Variants in LGSN observed in about 807,000 individuals in gnomAD.
LGSN encodes lengsin, lens protein with glutamine synthetase domain.
A neutral mutation model predicts 19.5 loss-of-function variants in LGSN; 21 were observed. That is an observed-to-expected ratio of 1.07 (90% confidence interval 0.76 to 1.55). The LOEUF (loss-of-function observed/expected upper bound fraction) is 1.55. Ranked by LOEUF, LGSN falls within the 40% of genes most tolerant of loss-of-function variation. LGSN has a pLI of 0.00. For missense variants in LGSN, 673 were observed against 608.5 expected (o/e 1.11, Z -1.12); for synonymous variants, 257 against 215.6 (o/e 1.19, Z -1.68).
chr6:63,362,570 G>T, the LGSN span, among the ~76,000 whole-genome samples: 5 of 152,198 alleles, frequency 3.3e-5, no homozygotes, highest in Admixed American at 2.0e-4. Flanking sequence ...GGCTCAGAGG[G>T]TCTCACACCC....
At chr6:63,542,323 TG>T in the LGSN span, among the ~76,000 whole-genome samples, 1 of 151,858 alleles carries the variant, frequency 6.6e-6, no homozygotes, top group Non-Finnish European at 1.5e-5. Context: ...TTGAGTGCAG[TG>T]TATACTGCTC....
At chr6:63,433,517 T>C in the LGSN span, among the ~76,000 whole-genome samples, 41 of 152,336 alleles carry the variant, frequency 2.7e-4, no homozygotes, top group East Asian at 6.8e-3. Flanking sequence ...TAACCAGTAA[T>C]CTTTCTCATT....
chr6:63,294,219 C>T (rs980651291), intron 2 of LGSN, among the ~76,000 whole-genome samples: 2 of 152,114 alleles, frequency 1.3e-5, no homozygotes, highest in Admixed American at 1.3e-4. Context: ...CCTGTAAACC[C>T]AGCTACTCAG....
At chr6:63,400,219 C>G in the LGSN span, among the ~76,000 whole-genome samples, 2 of 152,116 alleles carry the variant, frequency 1.3e-5, 1 homozygote, top group South Asian at 4.2e-4. Flanking sequence ...CTAAAGAGAG[C>G]CTCAACTTCC....
At chr6:63,351,799 A>G in the LGSN span, among the ~76,000 whole-genome samples, 3 of 152,156 alleles carry the variant, frequency 2.0e-5, no homozygotes, top group African/African-American at 7.2e-5. Context: ...ACTAACAGCA[A>G]TCTAATGATC....
chr6:63,297,542 T>G (rs1768024674), intron 1 of LGSN, among the ~76,000 whole-genome samples: 1 of 152,100 alleles, frequency 6.6e-6, no homozygotes, highest in South Asian at 2.1e-4. Context: ...TAAAACAAAT[T>G]TATTGGATCC....
the LGSN span, among the ~76,000 whole-genome samples, chr6:63,442,795 C>G: frequency 6.6e-6 from 1 of 152,176 alleles, no homozygotes; most frequent in Non-Finnish European, 1.5e-5. Context: ...CATCCACAAA[C>G]CCCGAGCTAG....
At chr6:63,465,997 T>A in the LGSN span, among the ~76,000 whole-genome samples, 1 of 152,248 alleles carries the variant, frequency 6.6e-6, no homozygotes. Flanking sequence ...TGTGACAATG[T>A]CTCACTTTGT....
the LGSN span, among the ~76,000 whole-genome samples, chr6:63,526,360 C>A: frequency 6.6e-6 from 1 of 151,840 alleles, no homozygotes; most frequent in African/African-American, 2.4e-5. Flanking sequence ...TTTCCAGAAG[C>A]TTTGGGTTCT....
the LGSN span, among the ~76,000 whole-genome samples, chr6:63,381,001 A>G: frequency 6.6e-6 from 1 of 152,188 alleles, no homozygotes; most frequent in Non-Finnish European, 1.5e-5. Flanking sequence ...GTTTGAGATC[A>G]GCCTGGGCAA....
chr6:63,489,570 T>C, the LGSN span, among the ~76,000 whole-genome samples: 1 of 152,184 alleles, frequency 6.6e-6, no homozygotes, highest in South Asian at 2.1e-4. Flanking sequence ...GGTTTTTACC[T>C]TGTTGGCCAG....
chr6:63,561,221 C>T, the LGSN span, among the ~76,000 whole-genome samples: 1 of 152,150 alleles, frequency 6.6e-6, no homozygotes, highest in African/African-American at 2.4e-5. Flanking sequence ...AGCTGCATCA[C>T]ATAATACTTG....
At chr6:63,296,101 G>A (rs1284918983) in intron 1 of LGSN, among the ~76,000 whole-genome samples, 2 of 152,014 alleles carry the variant, frequency 1.3e-5, no homozygotes, top group Non-Finnish European at 2.9e-5. Context: ...ATTCTCCCAA[G>A]GCTAAAATAG....
At chr6:63,536,636 G>T in the LGSN span, among the ~76,000 whole-genome samples, 1 of 152,090 alleles carries the variant, frequency 6.6e-6, no homozygotes, top group African/African-American at 2.4e-5. Context: ...TGTAACATTT[G>T]TGTCAGTCGC....
the LGSN span, among the ~76,000 whole-genome samples, chr6:63,336,403 G>A: frequency 4.0e-5 from 6 of 151,732 alleles, no homozygotes; most frequent in African/African-American, 9.7e-5. Context: ...AGAGAGACCC[G>A]TCTGCAGTCC....
chr6:63,385,621 C>A, the LGSN span, among the ~76,000 whole-genome samples: 1 of 152,120 alleles, frequency 6.6e-6, no homozygotes, highest in Non-Finnish European at 1.5e-5. Context: ...TAAGTTTTGC[C>A]TCCAACCCGT....
chr6:63,506,971 A>C, the LGSN span, among the ~76,000 whole-genome samples: 1 of 152,180 alleles, frequency 6.6e-6, no homozygotes, highest in African/African-American at 2.4e-5. Flanking sequence ...GAGGGAGTAG[A>C]AGAATGAGGA....
chr6:63,493,610 C>A, the LGSN span, among the ~76,000 whole-genome samples: 1 of 151,344 alleles, frequency 6.6e-6, no homozygotes, highest in South Asian at 2.1e-4. Context: ...TGACAAAAGG[C>A]AAAACCTGCA....
At chr6:63,422,796 A>G in the LGSN span, among the ~76,000 whole-genome samples, 7 of 152,266 alleles carry the variant, frequency 4.6e-5, no homozygotes, top group East Asian at 5.8e-4. Flanking sequence ...AAAGAAAAAT[A>G]GAGACACAAA....
Sources: gnomAD v4.1 joint callset for allele counts (sites outside exome capture counted in the v4.1 genomes callset) on GRCh38, gnomAD v4.1.1 for gene constraint, MANE v1.5 for transcripts, NCBI Gene and HGNC (gene_info 2026-07-23, HGNC 2026-07-21) for gene names.